ETV6: variants seen among roughly 807,000 people sequenced by gnomAD.
ETV6 encodes the protein ETS variant transcription factor 6.
ETV6 carries 16 observed loss-of-function variants against 51.1 expected under a neutral mutation model. The observed-to-expected ratio is 0.31, with a 90% confidence interval of 0.21 to 0.48. ETV6 has a LOEUF of 0.48. Among genes scored for constraint, ETV6 ranks in the 20% least tolerant of loss-of-function variants. The pLI, the probability that ETV6 is intolerant of heterozygous loss-of-function variation, is 0.99. For missense variants in ETV6, 458 were observed against 594.8 expected, an observed-to-expected ratio of 0.77 and a Z score of 2.39; for synonymous variants, 240 against 224.1, an observed-to-expected ratio of 1.07 and a Z score of -0.64.
intron 2 of ETV6, among the ~76,000 whole-genome samples, chr12:11,763,053 C>T (rs967194826): frequency 3.3e-5 from 5 of 152,138 alleles, no homozygotes; most frequent in African/African-American, 7.2e-5. Context: ...ACCTGTTATT[C>T]GGATGGGTTG....
intron 1 of ETV6, among the ~76,000 whole-genome samples, chr12:11,717,462 C>T (rs1042899994): frequency 6.6e-6 from 1 of 152,172 alleles, no homozygotes; most frequent in African/African-American, 2.4e-5. Flanking sequence ...ATTCATTTAT[C>T]CTAAATAAAT....
intron 7 of ETV6, among the ~76,000 whole-genome samples, chr12:11,890,317 T>TAAAAGAAAGAACATATATA: frequency 6.7e-6 from 1 of 149,582 alleles, no homozygotes; most frequent in East Asian, 1.9e-4. Flanking sequence ...TCTAATTCTG[T>TAAAAGAAAGAACATATATA]AAAAGAAAGA....
chr12:11,832,973 C>T (rs547125515), intron 2 of ETV6, among the ~76,000 whole-genome samples: 11 of 152,208 alleles, frequency 7.2e-5, no homozygotes, highest in African/African-American at 2.2e-4. Flanking sequence ...CCACAGATGA[C>T]GTGAAATTAC....
intron 2 of ETV6, among the ~76,000 whole-genome samples, chr12:11,822,063 G>A (rs776308615): frequency 6.6e-6 from 1 of 152,192 alleles, no homozygotes; most frequent in Non-Finnish European, 1.5e-5. Context: ...GGCCGTGCAC[G>A]AATGCACTAA....
chr12:11,655,918 G>A (rs1472908890), intron 1 of ETV6, among the ~76,000 whole-genome samples: 1 of 152,194 alleles, frequency 6.6e-6, no homozygotes, highest in African/African-American at 2.4e-5. Flanking sequence ...TAAATTCTCT[G>A]TAATTAAAGG....
chr12:11,816,080 G>T (rs1188636454), intron 2 of ETV6, among the ~76,000 whole-genome samples: 1 of 152,138 alleles, frequency 6.6e-6, no homozygotes, highest in Non-Finnish European at 1.5e-5. Flanking sequence ...AGGCAGAAGG[G>T]GTGGCACATG....
intron 1 of ETV6, among the ~76,000 whole-genome samples, chr12:11,666,810 C>T (rs1864203167): frequency 6.6e-6 from 1 of 152,226 alleles, no homozygotes; most frequent in Non-Finnish European, 1.5e-5. Context: ...TGGGGGCTTT[C>T]TGTTGCAGAC....
At chr12:11,717,970 ATTTCT>A (rs1281540028) in intron 1 of ETV6, among the ~76,000 whole-genome samples, 1 of 152,080 alleles carries the variant, frequency 6.6e-6, no homozygotes, top group African/African-American at 2.4e-5. Flanking sequence ...CCTCATGCAA[ATTTCT>A]TTTGAGCTGA....
At chr12:11,824,824 T>G (rs1946130097) in intron 2 of ETV6, among the ~76,000 whole-genome samples, 1 of 151,940 alleles carries the variant, frequency 6.6e-6, no homozygotes, top group South Asian at 2.1e-4. Context: ...AGATGCAAGG[T>G]CTCCCAAAGG....
At chr12:11,751,311 T>C (rs1198783260) in intron 1 of ETV6, 3 of 518,506 alleles carry the variant, frequency 5.8e-6, no homozygotes, top group Admixed American at 1.9e-5. Flanking sequence ...GCCTTCCCTT[T>C]ACTTAAATGT....
At chr12:11,805,987 A>G (rs1945823936) in intron 2 of ETV6, among the ~76,000 whole-genome samples, 1 of 152,258 alleles carries the variant, frequency 6.6e-6, no homozygotes, top group South Asian at 2.1e-4. Flanking sequence ...ATGGATATGA[A>G]GGGCAGACTG....
At chr12:11,867,268 C>G (rs1393487115) in intron 4 of ETV6, among the ~76,000 whole-genome samples, 1 of 152,186 alleles carries the variant, frequency 6.6e-6, no homozygotes, top group Non-Finnish European at 1.5e-5. Context: ...GGTGGCAGAT[C>G]ATAAATACTT....
At chr12:11,755,215 G>A (rs1341011810) in intron 2 of ETV6, among the ~76,000 whole-genome samples, 1 of 152,162 alleles carries the variant, frequency 6.6e-6, no homozygotes, top group Non-Finnish European at 1.5e-5. Context: ...TTGTTGAATG[G>A]CTTGCATATC....
At chr12:11,691,859 G>A (rs1864771860) in intron 1 of ETV6, among the ~76,000 whole-genome samples, 1 of 152,216 alleles carries the variant, frequency 6.6e-6, no homozygotes, top group Non-Finnish European at 1.5e-5. Context: ...AGTCCTTTGT[G>A]TTCGTGACTC....
At chr12:11,880,450 C>T (rs1298448098) in intron 5 of ETV6, among the ~76,000 whole-genome samples, 1 of 152,168 alleles carries the variant, frequency 6.6e-6, no homozygotes, top group Non-Finnish European at 1.5e-5. Flanking sequence ...ATTCTAGGTC[C>T]TAGTTTGATG....
chr12:11,777,523 C>G (rs1455794811), intron 2 of ETV6, among the ~76,000 whole-genome samples: 1 of 151,628 alleles, frequency 6.6e-6, no homozygotes, highest in Non-Finnish European at 1.5e-5. Flanking sequence ...CACTTCTGTA[C>G]CCAGCAGCTT....
intron 4 of ETV6, among the ~76,000 whole-genome samples, chr12:11,863,143 T>G (rs1264612561): frequency 6.6e-6 from 1 of 152,232 alleles, no homozygotes; most frequent in Non-Finnish European, 1.5e-5. Context: ...CCTGGAAACT[T>G]ATCGGTCAAA....
At chr12:11,743,468 A>C (rs1865848317) in intron 1 of ETV6, among the ~76,000 whole-genome samples, 2 of 152,082 alleles carry the variant, frequency 1.3e-5, no homozygotes, top group South Asian at 4.1e-4. Flanking sequence ...GATGGGGGTG[A>C]GGGTTGGGGT....
At chr12:11,723,127 G>A (rs1254736262) in intron 1 of ETV6, among the ~76,000 whole-genome samples, 2 of 152,232 alleles carry the variant, frequency 1.3e-5, no homozygotes, top group South Asian at 2.1e-4. Context: ...TTGTACCCTC[G>A]TTTTCTCATT....
Sources: gnomAD v4.1 joint callset for allele counts (sites outside exome capture counted in the v4.1 genomes callset) on GRCh38, gnomAD v4.1.1 for gene constraint, MANE v1.5 for transcripts, NCBI Gene and HGNC (gene_info 2026-07-23, HGNC 2026-07-21) for gene names.